LRRC72: variants seen among roughly 807,000 people sequenced by gnomAD.
LRRC72 encodes leucine-rich repeat-containing protein 72.
A neutral mutation model predicts 35.8 loss-of-function variants in LRRC72; 41 were observed. The observed-to-expected ratio is 1.15, with a 90% confidence interval of 0.89 to 1.49. The LOEUF is 1.49. LRRC72 is among the 40% of genes most tolerant of loss of function. The pLI, the probability that LRRC72 is intolerant of heterozygous loss-of-function variation, is 0.00. For synonymous variants in LRRC72, 118 were observed against 119.2 expected, an observed-to-expected ratio of 0.99 and a Z score of 0.07; for missense variants, 389 against 330.7, an observed-to-expected ratio of 1.18 and a Z score of -1.37.
chr7:16,561,895 A>G (rs1782749842), intron 5 of LRRC72, among the ~76,000 whole-genome samples: 1 of 152,256 alleles, frequency 6.6e-6, no homozygotes, highest in Non-Finnish European at 1.5e-5. Context: ...TGAGAACTCT[A>G]TGTATTTTCA....
chr7:16,533,822 T>C (rs1782208116), intron 2 of LRRC72, among the ~76,000 whole-genome samples: 1 of 152,266 alleles, frequency 6.6e-6, no homozygotes, highest in South Asian at 2.1e-4. Flanking sequence ...TTCTGACACA[T>C]TTAAGGTCAT....
At chr7:16,563,885 G>C (rs936283307) in intron 5 of LRRC72, among the ~76,000 whole-genome samples, 21 of 152,240 alleles carry the variant, frequency 1.4e-4, no homozygotes, top group East Asian at 1.4e-3. Context: ...TGAGATGAAT[G>C]GTCAACCACA....
At chr7:16,559,132 G>A (rs1221967524) in intron 5 of LRRC72, 133 bp downstream of exon 5, 10 of 524,978 alleles carry the variant, frequency 1.9e-5, no homozygotes, top group Non-Finnish European at 3.0e-5. Flanking sequence ...TGTGACTCAC[G>A]CCTGTAATCT....
At position 16,527,028 on chromosome 7, in the gene LRRC72, C is replaced by G; in HGVS notation, c.76C>G (p.Gln26Glu). ...ACGGAGGGCATCCGAAACTGCCCTACAGAGCAGTCGCCGGGTAAGCGGCAC... is the reference window on the plus strand; with the variant it reads ...ACGGAGGGCATCCGAAACTGCCCTAGAGAGCAGTCGCCGGGTAAGCGGCAC... The part of the protein sequence containing the change: ...RLRRASETAL[Q>E]SSRRAVEDQL... The change falls in exon 1 of 9, where the codon CAG (glutamine) becomes GAG (glutamate). Residue 26 changes from glutamine (Q) to glutamate (E), a missense_variant. Physicochemically the swap from Gln to Glu is conservative, Grantham distance 29. Transcript: ENST00000401542. 1 of 1,538,678 alleles carries G rather than the reference C, an allele frequency of 6.5e-7. No individual in the cohort carries two copies. Among genetic ancestry groups the G allele is most frequent in the Non-Finnish European group, 8.7e-7 (1 of 1,146,900 alleles).
chr7:16,578,870 A>G (rs1178097282), intron 7 of LRRC72, among the ~76,000 whole-genome samples: 1 of 152,222 alleles, frequency 6.6e-6, no homozygotes, highest in East Asian at 1.9e-4. Context: ...ACACAGAAGA[A>G]CAAATACTGC....
chr7:16,552,618 A>G (rs1562744380), intron 3 of LRRC72, among the ~76,000 whole-genome samples: 1 of 152,214 alleles, frequency 6.6e-6, no homozygotes, highest in Non-Finnish European at 1.5e-5. Context: ...AAGTTCTTTA[A>G]AAAACATAAG....
chr7:16,545,704 G>A (rs1782433528), intron 3 of LRRC72, among the ~76,000 whole-genome samples: 1 of 151,908 alleles, frequency 6.6e-6, no homozygotes, highest in Non-Finnish European at 1.5e-5. Flanking sequence ...CAACTTTGTT[G>A]AAAAAATTAT....
At chr7:16,540,132 G>T (rs537080188) in intron 3 of LRRC72, among the ~76,000 whole-genome samples, 1 of 152,176 alleles carries the variant, frequency 6.6e-6, no homozygotes, top group Non-Finnish European at 1.5e-5. Context: ...CATCTGTGGG[G>T]GTTGTACCCT....
Position 16,527,005 on chromosome 7 carries a change from G to T in LRRC72, c.53G>T (p.Arg18Leu). 6.5e-7 allele frequency: 1 copy of T among 1,539,774 alleles called. No individual in the cohort carries two copies. The highest frequency in any genetic ancestry group is 8.7e-7 in the Non-Finnish European group (1 of 1,146,932). ...VPRTLRCWRL[R>L]RASETALQSS... Reference sequence around the variant, plus strand: ...CGTACCTTGCGATGCTGGCGCCTACGGAGGGCATCCGAAACTGCCCTACAG... The same window carrying T: ...CGTACCTTGCGATGCTGGCGCCTACTGAGGGCATCCGAAACTGCCCTACAG... Residue 18 changes from arginine (R) to leucine (L), a missense_variant, in exon 1 of 9, where the codon CGG becomes CTG. Arg to Leu is a moderately radical substitution (Grantham distance 102). Transcript: ENST00000401542.
At chr7:16,540,650 G>A (rs1208939656) in intron 3 of LRRC72, among the ~76,000 whole-genome samples, 1 of 152,120 alleles carries the variant, frequency 6.6e-6, no homozygotes, top group Non-Finnish European at 1.5e-5. Context: ...CTGGTGGGAG[G>A]TGATTGGATC....
chr7:16,569,146 G>A (rs1782899230), intron 7 of LRRC72, among the ~76,000 whole-genome samples: 1 of 152,148 alleles, frequency 6.6e-6, no homozygotes, highest in South Asian at 2.1e-4. Flanking sequence ...AAGGACAGGT[G>A]GCCAGGTGCG....
intron 2 of LRRC72, among the ~76,000 whole-genome samples, chr7:16,535,265 A>G (rs1782233801): frequency 6.6e-6 from 1 of 152,202 alleles, no homozygotes; most frequent in African/African-American, 2.4e-5. Context: ...AACTAATGGT[A>G]CATATCAAAG....
intron 2 of LRRC72, among the ~76,000 whole-genome samples, chr7:16,534,897 C>T (rs1162923448): frequency 1.3e-5 from 2 of 152,132 alleles, no homozygotes; most frequent in East Asian, 3.9e-4. Context: ...TGCAAATTTC[C>T]TACTAAAAAT....
intron 7 of LRRC72, among the ~76,000 whole-genome samples, chr7:16,572,075 G>T (rs1782955965): frequency 6.6e-6 from 1 of 152,048 alleles, no homozygotes; most frequent in Non-Finnish European, 1.5e-5. Context: ...TAACAAAGCC[G>T]CCAGGAAGTT....
At chr7:16,554,829 T>C (rs17169541) in intron 3 of LRRC72, among the ~76,000 whole-genome samples, 19,446 of 152,226 alleles carry the variant, frequency 0.13, 1,674 homozygotes, top group East Asian at 0.36. Flanking sequence ...GGTTTGTTAG[T>C]GTTCTTCTTG....
At chr7:16,539,586 T>C (rs1782320217) in intron 3 of LRRC72, among the ~76,000 whole-genome samples, 1 of 152,146 alleles carries the variant, frequency 6.6e-6, no homozygotes, top group African/African-American at 2.4e-5. Context: ...AGGAGCCAAA[T>C]GTTAATAGCC....
At chr7:16,538,755 A>G (rs562570607) in intron 3 of LRRC72, among the ~76,000 whole-genome samples, 2 of 152,338 alleles carry the variant, frequency 1.3e-5, no homozygotes, top group South Asian at 2.1e-4. Flanking sequence ...ATAGTGAGTG[A>G]GTTCCCACAA....
At chr7:16,570,469 G>A (rs1441694258) in intron 7 of LRRC72, among the ~76,000 whole-genome samples, 2 of 152,128 alleles carry the variant, frequency 1.3e-5, no homozygotes, top group Non-Finnish European at 2.9e-5. Flanking sequence ...ACATTTTCCT[G>A]TTAACCATAA....
chr7:16,564,381 G>A (rs1202382082), intron 5 of LRRC72, among the ~76,000 whole-genome samples: 1 of 139,346 alleles, frequency 7.2e-6, no homozygotes, highest in Admixed American at 6.8e-5. Context: ...GATCCCAATG[G>A]CTCTTTTATT....
Sources: gnomAD v4.1 joint callset for allele counts (sites outside exome capture counted in the v4.1 genomes callset) on GRCh38, gnomAD v4.1.1 for gene constraint, MANE v1.5 for transcripts, NCBI Gene and HGNC (gene_info 2026-07-23, HGNC 2026-07-21) for gene names.